Variants in ANGEL1 observed in about 807,000 individuals in gnomAD.
ANGEL1 encodes the protein angel homolog 1.
Under a neutral mutation model 76.4 loss-of-function variants are expected in ANGEL1, and 62 were observed. The observed-to-expected ratio is 0.81, with a 90% CI of 0.66 to 1.00. The LOEUF is 1.00. Among genes scored for constraint, ANGEL1 ranks in the 50% least tolerant of loss-of-function variants. The probability of loss-of-function intolerance (pLI) is 0.00; values close to 1 mark genes in which losing one functional copy is unlikely to be tolerated. For synonymous variants in ANGEL1, 340 were observed against 331.7 expected, an observed-to-expected ratio of 1.03 and a Z score of -0.27; for missense variants, 737 against 836.7, an observed-to-expected ratio of 0.88 and a Z score of 1.47.
Position 76,812,776 on chromosome 14 carries a change from G to A in ANGEL1, c.52C>T (p.Arg18Cys), listed in dbSNP as rs1169874161. The A allele has an allele frequency of 5.3e-6, 8 of 1,522,472 alleles. No homozygotes were observed. In the Admixed American group the frequency reaches 1.0e-4, roughly 19 times the overall value. The allele number at this position is 1,522,472 out of a possible 1,614,324, so 94.3% of individuals were successfully genotyped here. A position where few individuals can be genotyped will look rare whatever the true frequency, so the allele number is the denominator to read the frequency against. The change falls in exon 1 of 10, where the codon CGC becomes TGC. Residue 18 changes from arginine to cysteine, a missense_variant. By Grantham distance (180) the Arg-to-Cys change is radical. This residue lies in a region of ANGEL1 where 441 missense variants were observed against 449.5 expected (regional missense o/e 0.98). Coordinates refer to ENST00000251089, the MANE Select transcript of ANGEL1 (RefSeq NM_015305.4). ...GCCTGGCCGGTACCTGAGAGGGCGC[G>A]GAAGAGGCGCGTGGCCGGCAGCAGC... ...YLLLPATRLFRALSDAFFTCR... is the reference protein window; with the variant it reads ...YLLLPATRLFCALSDAFFTCR...
intron 4 of ANGEL1, 68 bp downstream of exon 4, chr14:76,807,365 G>T: frequency 6.8e-7 from 1 of 1,463,518 alleles, no homozygotes; most frequent in Non-Finnish European, 9.4e-7. Flanking sequence ...AAAGGATGGG[G>T]TCTTCAGGAG....
intron 7 of ANGEL1, among the ~76,000 whole-genome samples, chr14:76,795,587 T>C (rs1894553426): frequency 6.6e-6 from 1 of 152,242 alleles, no homozygotes; most frequent in Non-Finnish European, 1.5e-5. Context: ...ATATATGTTT[T>C]TTAAAGGTTT....
intron 1 of ANGEL1, chr14:76,812,563 G>A: frequency 2.4e-6 from 3 of 1,248,020 alleles, no homozygotes; most frequent in African/African-American, 1.6e-5. Context: ...CCGCCCACGA[G>A]GGACGTCGGC....
At position 76,808,071 on chromosome 14, in the gene ANGEL1, A is replaced by G; in HGVS notation, c.727T>C (p.Phe243Leu). Reference sequence around the variant, plus strand: ...TTATAAGACATCAGAGTGAACTGGAACTGAGGGCCATCTCCTGCCTTCAGG... The same window carrying G: ...TTATAAGACATCAGAGTGAACTGGAGCTGAGGGCCATCTCCTGCCTTCAGG... ...QGLKAGDGPQFQFTLMSYNIL... is the reference protein window; with the variant it reads ...QGLKAGDGPQLQFTLMSYNIL... Residue 243 changes from phenylalanine (F) to leucine (L), a missense_variant, in exon 3 of 10, where the codon TTC becomes CTC. By Grantham distance (22) the Phe-to-Leu change is conservative. Transcript: ENST00000251089. 1.2e-6 allele frequency: 2 copies of G among 1,614,088 alleles called. No individual in the cohort carries two copies. The highest frequency in any genetic ancestry group is 1.7e-6 in the Non-Finnish European group (2 of 1,180,038).
rs1314487741 is a variant in ANGEL1, at chr14:76,786,343, G to A, written c.*2885C>T. ...ACGCCCGGCTAATTTTGTATTTTTA[G>A]TAGAGACGGGATTTCTTCATGTTGG... On this transcript the variant is annotated 3_prime_UTR_variant, in exon 10 of 10. Coordinates refer to ENST00000251089, the MANE Select transcript of ANGEL1 (RefSeq NM_015305.4). 6.6e-6 allele frequency: 1 copy of A among 152,016 alleles called. No individual in the cohort carries two copies. Among genetic ancestry groups the A allele is most frequent in the African/African-American group, 2.4e-5 (1 of 41,332 alleles). 9.4% of individuals were successfully genotyped at this position (152,016 alleles called of 1,614,324 possible).
intron 9 of ANGEL1, among the ~76,000 whole-genome samples, chr14:76,790,179 T>C (rs1894362059): frequency 6.6e-6 from 1 of 151,974 alleles, no homozygotes; most frequent in Non-Finnish European, 1.5e-5. Flanking sequence ...ATAACAGTAA[T>C]ACACATGCCT....
At position 76,790,704 on chromosome 14, in the gene ANGEL1, G is replaced by C; in HGVS notation, c.1759C>G (p.Arg587Gly). 6.2e-7 allele frequency: 1 copy of C among 1,614,164 alleles called. No individual in the cohort carries two copies. The highest frequency in any genetic ancestry group is 8.5e-7 in the Non-Finnish European group (1 of 1,180,020). ...VYTHFLPQRG[R>G]PEVTTMPLGL... ...AATGGCATTGTAGTGACCTCTGGGCGGCCACGCTGGGGCAGGAAGTGGGTA... is the reference window on the plus strand; with the variant it reads ...AATGGCATTGTAGTGACCTCTGGGCCGCCACGCTGGGGCAGGAAGTGGGTA... The change falls in exon 9 of 10, where the codon CGC (arginine) becomes GGC (glycine). Residue 587 changes from arginine to glycine, a missense_variant. This residue lies in a region of ANGEL1 where 296 missense variants were observed against 387.2 expected (regional missense o/e 0.76). Transcript: ENST00000251089.
rs1306223773 is a variant in ANGEL1, at chr14:76,806,845, A to G, written c.951T>C (p.Phe317=). 1.2e-6 allele frequency: 2 copies of G among 1,611,284 alleles called. No individual in the cohort carries two copies. Among genetic ancestry groups the G allele is most frequent in the Non-Finnish European group, 8.5e-7 (1 of 1,178,292 alleles). ...QLEPSLRMMG[F]TCFYKRRTGC... ...CAGTCCTCCTCTTGTAGAAACAGGT[A>G]AAGCCTGCAAGGAAAATCCCACCAA... Residue 317 remains phenylalanine, a synonymous_variant, in exon 5 of 10, where the codon TTT becomes TTC. Coordinates refer to ENST00000251089, the MANE Select transcript of ANGEL1 (RefSeq NM_015305.4).
At chr14:76,797,340 C>T (rs971678268) in intron 7 of ANGEL1, among the ~76,000 whole-genome samples, 6 of 152,202 alleles carry the variant, frequency 3.9e-5, no homozygotes, top group Admixed American at 2.0e-4. Flanking sequence ...TGGCTCACAC[C>T]TGTAATCCTA....
chr14:76,805,106 T>G (rs1278934198), intron 5 of ANGEL1, among the ~76,000 whole-genome samples: 1 of 152,112 alleles, frequency 6.6e-6, no homozygotes, highest in Non-Finnish European at 1.5e-5. Context: ...TCACTACCGG[T>G]TACTGACTTT....
intron 9 of ANGEL1, 79 bp downstream of exon 9, chr14:76,790,532 A>AT (rs1444982841): frequency 2.0e-5 from 30 of 1,534,124 alleles, no homozygotes; most frequent in Non-Finnish European, 2.3e-5. Context: ...AGCTGAAGAC[A>AT]TGCTACCAAA....
intron 7 of ANGEL1, among the ~76,000 whole-genome samples, chr14:76,793,557 G>GT (rs113463837): frequency 0.98 from 128,793 of 131,832 alleles, 62,958 homozygotes; most frequent in East Asian, 1. Context: ...GGTTTTTTTG[G>GT]TTTTTTTTTT....
intron 5 of ANGEL1, among the ~76,000 whole-genome samples, chr14:76,804,959 G>A (rs1348194386): frequency 6.6e-6 from 1 of 151,852 alleles, no homozygotes; most frequent in Non-Finnish European, 1.5e-5. Flanking sequence ...GCAGTGAGCC[G>A]AGATCGTGCC....
intron 5 of ANGEL1, among the ~76,000 whole-genome samples, chr14:76,805,600 C>T (rs1894895806): frequency 6.6e-6 from 1 of 152,136 alleles, no homozygotes; most frequent in South Asian, 2.1e-4. Context: ...GCTGATAAAA[C>T]TACGAGGTGT....
At chr14:76,812,642 C>G in intron 1 of ANGEL1, 122 bp downstream of exon 1, 2 of 1,345,338 alleles carry the variant, frequency 1.5e-6, no homozygotes, top group East Asian at 3.1e-5. Flanking sequence ...CCCTACACCT[C>G]GGCACTGCCC....
chr14:76,799,294 T>TC, intron 7 of ANGEL1, among the ~76,000 whole-genome samples: 2 of 113,620 alleles, frequency 1.8e-5, no homozygotes, highest in African/African-American at 6.1e-5. Flanking sequence ...TTTTTTTTTT[T>TC]TTTTTTTTTT....
chr14:76,807,776 T>G, intron 3 of ANGEL1, 146 bp downstream of exon 3: 2 of 868,706 alleles, frequency 2.3e-6, no homozygotes, highest in Non-Finnish European at 3.6e-6. Flanking sequence ...TGCCAACAAC[T>G]CACTGACACC....
chr14:76,807,641 C>T lies in ANGEL1; in HGVS notation c.877-139G>A, dbSNP rs186851970. 44 of 816,004 alleles carry T rather than the reference C, an allele frequency of 5.4e-5. No homozygotes were observed. In the African/African-American group the frequency reaches 6.3e-4, roughly 12 times the overall value. 50.5% of individuals were successfully genotyped at this position (816,004 alleles called of 1,614,324 possible). A position where few individuals can be genotyped will look rare whatever the true frequency, so the allele number is the denominator to read the frequency against. On this transcript the variant is annotated intron_variant, in intron 3 of 9. Transcript: ENST00000251089. ...CAGAGTCACCAACAGCAAGAACAGGCCCAGACTTAAGCTGAAGAGATTAGA... is the reference window on the plus strand; with the variant it reads ...CAGAGTCACCAACAGCAAGAACAGGTCCAGACTTAAGCTGAAGAGATTAGA...
At position 76,806,547 on chromosome 14, in the gene ANGEL1, C is replaced by T. The variant is rs1243527952; in HGVS notation, c.1249G>A (p.Val417Met). 3 of 1,614,098 alleles carry T rather than the reference C, an allele frequency of 1.9e-6. No homozygotes were observed. In the African/African-American group the frequency reaches 4.0e-5, roughly 22 times the overall value. ...TGGCTGCCATCTGACAGTCTGGCCA[C>T]CTTGTCCACTTCCGCCAGGAGAATG... ...MAILLAEVDKVARLSDGSHCP... is the reference protein window; with the variant it reads ...MAILLAEVDKMARLSDGSHCP... Residue 417 changes from valine to methionine, a missense_variant, in exon 5 of 10, where the codon GTG (valine) becomes ATG (methionine). This residue lies in a region of ANGEL1 where 296 missense variants were observed against 387.2 expected (regional missense o/e 0.76). Transcript: ENST00000251089.
Sources: allele counts gnomAD v4.1 joint callset (sites outside exome capture counted in the v4.1 genomes callset), GRCh38; gene constraint gnomAD v4.1.1; regional missense constraint gnomAD v4.1.1; transcripts MANE v1.5; gene names NCBI Gene and HGNC (gene_info 2026-07-23, HGNC 2026-07-21).